ADAMTSL1: variants seen among roughly 807,000 people sequenced by gnomAD.
The protein encoded by ADAMTSL1 is ADAMTS like 1, also known as ADAMTS-like protein 1.
Under a neutral mutation model 201.8 loss-of-function variants are expected in ADAMTSL1, and 126 were observed. That is an observed-to-expected ratio of 0.62 (90% CI 0.54 to 0.72). The LOEUF is 0.72. Ranked by LOEUF, ADAMTSL1 falls within the 30% of genes least tolerant of loss-of-function variation. The pLI, the probability that ADAMTSL1 is intolerant of heterozygous loss-of-function variation, is 0.00. For synonymous variants in ADAMTSL1, 1,121 were observed against 903.4 expected, an observed-to-expected ratio of 1.24 and a Z score of -4.32; for missense variants, 2,679 against 2,277.8, an observed-to-expected ratio of 1.18 and a Z score of -3.59.
intron 1 of ADAMTSL1, among the ~76,000 whole-genome samples, chr9:18,039,589 A>G (rs904410425): frequency 6.6e-6 from 1 of 152,140 alleles, no homozygotes; most frequent in Non-Finnish European, 1.5e-5. Flanking sequence ...CTCACAATGC[A>G]TTGAGCAAAT....
intron 2 of ADAMTSL1, among the ~76,000 whole-genome samples, chr9:18,356,475 C>G (rs758629613): frequency 7.1e-6 from 1 of 141,062 alleles, no homozygotes; most frequent in South Asian, 2.2e-4. Flanking sequence ...CTTCAGTGAG[C>G]TATGATTGTG....
Position 18,626,017 on chromosome 9 carries a change from T to C in ADAMTSL1, c.601+3648T>C, listed in dbSNP as rs192756645. On this transcript the variant is annotated intron_variant, in intron 5 of 28. Coordinates refer to ENST00000380548, the MANE Select transcript of ADAMTSL1 (RefSeq NM_001040272.6). Reference sequence around the variant, plus strand: ...GTACGCTTATAATAAAACACAGGCCTCTATGTTATAAAGTACAAAATACAT... The same window carrying C: ...GTACGCTTATAATAAAACACAGGCCCCTATGTTATAAAGTACAAAATACAT... Among the ~76,000 whole-genome samples, 401 of 152,346 alleles carry C rather than the reference T, an allele frequency of 2.6e-3. 4 individuals carry two copies. Among genetic ancestry groups the C allele is most frequent in the Non-Finnish European group, 1.7e-3 (114 of 68,036 alleles).
At chr9:18,826,907 C>T (rs942813688) in intron 22 of ADAMTSL1, among the ~76,000 whole-genome samples, 9 of 152,092 alleles carry the variant, frequency 5.9e-5, no homozygotes, top group African/African-American at 2.2e-4. Flanking sequence ...CATATAATTC[C>T]AGGAAGCTTA....
intron 1 of ADAMTSL1, among the ~76,000 whole-genome samples, chr9:17,908,121 G>A (rs977739650): frequency 1.2e-4 from 19 of 152,206 alleles, no homozygotes; most frequent in African/African-American, 4.6e-4. Flanking sequence ...GCCCGGAGCA[G>A]CAGGGATTAC....
In ADAMTSL1 at chr9:18,636,910, C is replaced by T. The variant is rs572387584; in HGVS notation, c.676+893C>T. ...GCCATCTATCGTCTGTCCTTTCTCC[C>T]CTCCCACACAAATGCCTGTGAAACC... is the stretch of plus-strand genomic sequence containing the variant. On this transcript the variant is annotated intron_variant, in intron 6 of 28. Coordinates refer to ENST00000380548, the MANE Select transcript of ADAMTSL1 (RefSeq NM_001040272.6). Among the ~76,000 whole-genome samples the T allele has an allele frequency of 2.6e-5, 4 of 152,218 alleles. No individual in the cohort carries two copies. The South Asian group carries it at 6.2e-4, about 24-fold the overall frequency.
chr9:18,038,824 G>A (rs1041333952), intron 1 of ADAMTSL1, among the ~76,000 whole-genome samples: 1 of 152,178 alleles, frequency 6.6e-6, no homozygotes, highest in African/African-American at 2.4e-5. Flanking sequence ...CCATTGGAAA[G>A]CAATTGTTAC....
At chr9:18,815,917 T>C (rs1224296696) in intron 20 of ADAMTSL1, among the ~76,000 whole-genome samples, 1 of 152,156 alleles carries the variant, frequency 6.6e-6, no homozygotes. Flanking sequence ...GTGATTTTTT[T>C]GGATACATGT....
At chr9:18,574,595 T>TTGTGTGTGTGTGTGTGTGTG in intron 4 of ADAMTSL1, 1 of 339,218 alleles carries the variant, frequency 2.9e-6, no homozygotes, top group Non-Finnish European at 5.3e-6. Context: ...GTGTTTGTGT[T>TTGTGTGTGTGTGTGTGTGTG]TGTGTGTGTG....
chr9:18,066,784 A>G (rs1822721053), intron 1 of ADAMTSL1, among the ~76,000 whole-genome samples: 1 of 152,220 alleles, frequency 6.6e-6, no homozygotes, highest in African/African-American at 2.4e-5. Flanking sequence ...TGGCACATAT[A>G]CACCATGGAA....
chr9:17,972,398 G>T (rs564136268), intron 1 of ADAMTSL1, among the ~76,000 whole-genome samples: 1 of 145,704 alleles, frequency 6.9e-6, no homozygotes, highest in East Asian at 2.1e-4. Context: ...CCACCTATGA[G>T]TGAGAACATA....
At chr9:18,543,909 T>C (rs1187907433) in intron 3 of ADAMTSL1, among the ~76,000 whole-genome samples, 1 of 152,128 alleles carries the variant, frequency 6.6e-6, no homozygotes, top group East Asian at 1.9e-4. Context: ...TGACATGTCT[T>C]TATTTTACTC....
At chr9:18,195,472 C>T (rs556135921) in intron 2 of ADAMTSL1, among the ~76,000 whole-genome samples, 1 of 152,166 alleles carries the variant, frequency 6.6e-6, no homozygotes, top group African/African-American at 2.4e-5. Flanking sequence ...AAGTTCCATG[C>T]TTGTAAGCAG....
chr9:18,681,989 T>C, intron 12 of ADAMTSL1, 30 bp downstream of exon 12: 1 of 1,611,460 alleles, frequency 6.2e-7, no homozygotes, highest in Non-Finnish European at 8.5e-7. Flanking sequence ...ATTACCAGCC[T>C]GTTAATTGTT....
intron 20 of ADAMTSL1, among the ~76,000 whole-genome samples, chr9:18,804,713 C>A (rs954050770): frequency 2.0e-5 from 3 of 152,160 alleles, no homozygotes; most frequent in Non-Finnish European, 4.4e-5. Context: ...TTATTTGACT[C>A]ATGAGTCTTA....
At chr9:18,604,671 G>A (rs1299815917) in intron 4 of ADAMTSL1, among the ~76,000 whole-genome samples, 1 of 152,082 alleles carries the variant, frequency 6.6e-6, no homozygotes, top group Non-Finnish European at 1.5e-5. Context: ...ATGGACACTT[G>A]GGTTGTTTCC....
intron 2 of ADAMTSL1, among the ~76,000 whole-genome samples, chr9:18,309,657 A>C (rs56223223): frequency 0.069 from 10,416 of 151,856 alleles, 1,144 homozygotes; most frequent in African/African-American, 0.24. Flanking sequence ...CCAAGAACTA[A>C]AAACCACTGC....
chr9:18,526,673 GT>G (rs1819076697), intron 2 of ADAMTSL1, among the ~76,000 whole-genome samples: 1 of 152,102 alleles, frequency 6.6e-6, no homozygotes, highest in African/African-American at 2.4e-5. Flanking sequence ...GTCTGTAAAG[GT>G]TTTTATTTCT....
chr9:18,492,596 A>C (rs1367700893), intron 1 of ADAMTSL1, among the ~76,000 whole-genome samples: 2 of 152,228 alleles, frequency 1.3e-5, no homozygotes, highest in Non-Finnish European at 2.9e-5. Flanking sequence ...ATTGCACTGC[A>C]CAACGTTTTT....
intron 2 of ADAMTSL1, among the ~76,000 whole-genome samples, chr9:18,367,418 A>T (rs1836816110): frequency 6.6e-6 from 1 of 152,104 alleles, no homozygotes; most frequent in African/African-American, 2.4e-5. Context: ...AATGGAAAGA[A>T]ATGGAATTAT....
Sources: gnomAD v4.1 joint callset for allele counts (sites outside exome capture counted in the v4.1 genomes callset) on GRCh38, gnomAD v4.1.1 for gene constraint, MANE v1.5 for transcripts, NCBI Gene and HGNC (gene_info 2026-07-23, HGNC 2026-07-21) for gene names.